The following CRAMP1 variants were observed in gnomAD, a reference collection of about 807,000 sequenced individuals.
The protein encoded by CRAMP1 is cramped chromatin regulator 1.
In CRAMP1, 50 loss-of-function variants were observed where a neutral mutation model predicts 115.4. The ratio of observed to expected loss-of-function variants is 0.43; its 90% confidence interval spans 0.35 to 0.55. The LOEUF (loss-of-function observed/expected upper bound fraction) is 0.55, where lower values mean the gene tolerates loss of function less well. Ranked by LOEUF, CRAMP1 falls within the 20% of genes least tolerant of loss-of-function variation. The probability of loss-of-function intolerance (pLI) is 0.01; values close to 1 mark genes in which losing one functional copy is unlikely to be tolerated. For synonymous variants in CRAMP1, 866 were observed against 745.4 expected (o/e 1.16, Z -2.64); for missense variants, 1,679 against 1,721.7 (o/e 0.98, Z 0.44).
intron 3 of CRAMP1, among the ~76,000 whole-genome samples, chr16:1,626,646 A>G (rs960109933): frequency 1.3e-5 from 2 of 149,830 alleles, no homozygotes; most frequent in Non-Finnish European, 3.0e-5. Context: ...GAGAGAAGCC[A>G]CTCCCTGACC....
At chr16:1,667,152 G>A (rs1045363707) in intron 16 of CRAMP1, among the ~76,000 whole-genome samples, 183 bp from the exon 17 acceptor site, 7 of 152,196 alleles carry the variant, frequency 4.6e-5, no homozygotes, top group African/African-American at 9.6e-5. Context: ...GGAAGTACAC[G>A]GTCCACACCT....
At chr16:1,651,402 T>C (rs2036721645) in intron 6 of CRAMP1, among the ~76,000 whole-genome samples, 1 of 149,258 alleles carries the variant, frequency 6.7e-6, no homozygotes. Context: ...CACGGAGAGG[T>C]GGACTGAGGT....
rs1406007338 is a variant in CRAMP1, at chr16:1,676,806, TC to T, written c.*2762del. Reference sequence around the variant, plus strand: ...TTGCGTGCCTCGGGGGATGCCTAGTTCGTGGCTTCCTGGCTGTTTTGTCCTT... The same window carrying T: ...TTGCGTGCCTCGGGGGATGCCTAGTTGTGGCTTCCTGGCTGTTTTGTCCTT... On this transcript the variant is annotated 3_prime_UTR_variant, in exon 21 of 21. Transcript: ENST00000397412. The T allele has an allele frequency of 1.9e-4, 29 of 152,418 alleles. No homozygotes were observed. Among genetic ancestry groups the T allele is most frequent in the Admixed American group, 1.7e-3 (26 of 15,304 alleles). The allele number at this position is 152,418 out of a possible 1,614,324, so 9.4% of individuals were successfully genotyped here. A position where few individuals can be genotyped will look rare whatever the true frequency, so the allele number is the denominator to read the frequency against.
chr16:1,658,388 G>A (rs12446041), intron 10 of CRAMP1, among the ~76,000 whole-genome samples: 3,332 of 152,282 alleles, frequency 0.022, 233 homozygotes, highest in Admixed American at 0.13. Context: ...AGGGGCTGAG[G>A]AGAGACATGG....
chr16:1,673,850 G>T, intron 20 of CRAMP1, 31 bp from the exon 21 acceptor site: 1 of 1,612,058 alleles, frequency 6.2e-7, no homozygotes, highest in South Asian at 1.1e-5. Context: ...AGGTCGCGGT[G>T]ACTTGTTCTT....
At chr16:1,659,390 A>AT (rs761925569) in intron 10 of CRAMP1, among the ~76,000 whole-genome samples, 70 of 149,486 alleles carry the variant, frequency 4.7e-4, no homozygotes, top group Non-Finnish European at 8.8e-4. Flanking sequence ...TGATTGATTG[A>AT]TTTTTTTCTT....
intron 3 of CRAMP1, 43 bp downstream of exon 3, chr16:1,626,209 C>G (rs2036507019): frequency 2.8e-6 from 4 of 1,430,646 alleles, no homozygotes; most frequent in South Asian, 1.5e-5. Flanking sequence ...CTGGGCGTCC[C>G]TCTCGGATCC....
chr16:1,633,865 C>T (rs559614011), intron 4 of CRAMP1, among the ~76,000 whole-genome samples: 69 of 152,170 alleles, frequency 4.5e-4, no homozygotes, highest in African/African-American at 1.6e-3. Context: ...GTCAAGAGAT[C>T]AAGACCATCC....
At chr16:1,618,460 A>G (rs533433979) in intron 2 of CRAMP1, among the ~76,000 whole-genome samples, 39 of 152,184 alleles carry the variant, frequency 2.6e-4, no homozygotes, top group African/African-American at 9.4e-4. Context: ...GAAGTCCGGG[A>G]ATGCTGGTGC....
intron 2 of CRAMP1, among the ~76,000 whole-genome samples, chr16:1,616,136 A>G (rs1242034203): frequency 6.6e-6 from 1 of 152,256 alleles, no homozygotes; most frequent in Non-Finnish European, 1.5e-5. Context: ...ATGTTTCAGA[A>G]TTTAAAACTT....
chr16:1,646,063 G>A (rs893292625), intron 6 of CRAMP1, among the ~76,000 whole-genome samples: 1 of 152,188 alleles, frequency 6.6e-6, no homozygotes, highest in East Asian at 1.9e-4. Context: ...CCACTCAGCA[G>A]TATGCCCTCG....
chr16:1,677,896 A>C lies in CRAMP1; in HGVS notation c.*3851A>C. 1 of 167,978 alleles carries C rather than the reference A, an allele frequency of 6.0e-6. No homozygotes were observed. Among genetic ancestry groups the C allele is most frequent in the Non-Finnish European group, 1.3e-5 (1 of 78,426 alleles). The allele number at this position is 167,978 out of a possible 1,614,324, so 10.4% of individuals were successfully genotyped here. On this transcript the variant is annotated 3_prime_UTR_variant, in exon 21 of 21. Transcript: ENST00000397412. ...TTTTTATTGTGCATAAATACATACT[A>C]ATGTTGATCTAAGGACTGTCGTTTG... is the stretch of plus-strand genomic sequence containing the variant.
chr16:1,619,510 G>A (rs945406801), intron 2 of CRAMP1, among the ~76,000 whole-genome samples: 3 of 152,146 alleles, frequency 2.0e-5, no homozygotes, highest in African/African-American at 7.2e-5. Context: ...AAAGAACCAC[G>A]TTAGAAACAC....
Position 1,614,967 on chromosome 16 carries a change from T to C in CRAMP1, c.328T>C (p.Ser110Pro). Residue 110 changes from serine to proline, a missense_variant, in exon 2 of 21, where the codon TCG becomes CCG. This residue lies in a region of CRAMP1 where 264 missense variants were observed against 229.7 expected (regional missense o/e 1.15). Transcript: ENST00000397412. The surrounding 1 kb of genome is among the most constrained non-coding windows in gnomAD (Gnocchi z 4.4). ...TGTGGGGAGCGGCAACGCCGGTGGC[T>C]CGGGGCCCCGCGGAAAAGGTAGGGC... ...SAVGSGNAGG[S>P]GPRGKGAEGG... The C allele has an allele frequency of 8.0e-7, 1 of 1,255,920 alleles. No homozygotes were observed. Among genetic ancestry groups the C allele is most frequent in the Non-Finnish European group, 1.0e-6 (1 of 999,742 alleles). The allele number at this position is 1,255,920 out of a possible 1,614,324, so 77.8% of individuals were successfully genotyped here.
Position 1,656,794 on chromosome 16 carries a change from C to T in CRAMP1, c.2037C>T (p.Asn679=). ...AGCAGCTCCGTGAGGAGGGCTGGAACCTGCAGACCTCCGAAAGCCTCACGC... is the reference window on the plus strand; with the variant it reads ...AGCAGCTCCGTGAGGAGGGCTGGAATCTGCAGACCTCCGAAAGCCTCACGC... ...LAQQLREEGW[N]LQTSESLTLA... is the part of the protein sequence containing the mutation. Residue 679 remains asparagine (N), a synonymous_variant, in exon 10 of 21, where the codon AAC becomes AAT. Transcript: ENST00000397412. This position sits in a 1 kb window ranked among gnomAD's most constrained non-coding sequence, Gnocchi z 5.6. 6.5e-7 allele frequency: 1 copy of T among 1,548,058 alleles called. No homozygotes were observed.
chr16:1,661,826 A>G (rs992035768), intron 11 of CRAMP1, among the ~76,000 whole-genome samples: 1 of 152,114 alleles, frequency 6.6e-6, no homozygotes, highest in Non-Finnish European at 1.5e-5. Flanking sequence ...ATGAATTCAC[A>G]GGGTGATTTA....
At chr16:1,652,727 A>G (rs2036735379) in intron 7 of CRAMP1, 146 bp downstream of exon 7, 2 of 750,984 alleles carry the variant, frequency 2.7e-6, no homozygotes, top group South Asian at 1.8e-5. Flanking sequence ...ACCACTCTTG[A>G]ACTTGAAATG....
intron 6 of CRAMP1, among the ~76,000 whole-genome samples, chr16:1,650,127 GTTTTTGGGGTGATGGTAAAATC>G (rs1210928477): frequency 3.9e-5 from 6 of 152,276 alleles, no homozygotes; most frequent in African/African-American, 1.4e-4. Context: ...AAAGCCTTAG[GTTTTTGGGGTGATGGTAAAATC>G]TTTGTGGGGT....
Position 1,662,854 on chromosome 16 carries a change from C to T in CRAMP1, c.2670+19C>T, listed in dbSNP as rs1390234166. On this transcript the variant is annotated intron_variant, in intron 13 of 20. Transcript: ENST00000397412. ...GGTCCAGGTCAGGGTCTTCTCAAGTCTGAACGTGTGGCCTCGTGGCTGGGC... is the reference window on the plus strand; with the variant it reads ...GGTCCAGGTCAGGGTCTTCTCAAGTTTGAACGTGTGGCCTCGTGGCTGGGC... 1.9e-6 allele frequency: 3 copies of T among 1,608,760 alleles called. No homozygotes were observed. In the East Asian group the frequency reaches 6.7e-5, roughly 36 times the overall value.
Sources: gnomAD v4.1 joint callset for allele counts (sites outside exome capture counted in the v4.1 genomes callset) on GRCh38, gnomAD v4.1.1 for gene constraint, gnomAD v4.1.1 regional missense constraint, Gnocchi (gnomAD v3.1) non-coding constraint, MANE v1.5 for transcripts, NCBI Gene and HGNC (gene_info 2026-07-23, HGNC 2026-07-21) for gene names.